Variants in GRM1 observed in about 807,000 individuals in gnomAD.
The protein encoded by GRM1 is metabotropic glutamate receptor 1.
A neutral mutation model predicts 90.9 loss-of-function variants in GRM1; 33 were observed. The ratio of observed to expected loss-of-function variants is 0.36; its 90% CI spans 0.28 to 0.49. The LOEUF (loss-of-function observed/expected upper bound fraction) is 0.49, where lower values mean the gene tolerates loss of function less well. Among genes scored for constraint, GRM1 ranks in the 20% least tolerant of loss-of-function variants. The probability of loss-of-function intolerance (pLI) is 0.99; values close to 1 mark genes in which losing one functional copy is unlikely to be tolerated. For synonymous variants in GRM1, 700 were observed against 613.2 expected (o/e 1.14, Z -2.09); for missense variants, 1,190 against 1,534.3 (o/e 0.78, Z 3.75).
At chr6:146,317,664 A>G (rs1207358305) in intron 3 of GRM1, among the ~76,000 whole-genome samples, 1 of 152,208 alleles carries the variant, frequency 6.6e-6, no homozygotes, top group African/African-American at 2.4e-5. Context: ...TGTTAGTTAA[A>G]ACTCCCTTAT....
chr6:146,053,432 G>A (rs1182982305), intron 1 of GRM1, among the ~76,000 whole-genome samples: 5 of 152,026 alleles, frequency 3.3e-5, no homozygotes, highest in South Asian at 2.1e-4. Context: ...GACAAATGTA[G>A]GTGGGATGAT....
intron 1 of GRM1, among the ~76,000 whole-genome samples, chr6:146,142,994 T>C (rs150582188): frequency 4.6e-5 from 7 of 152,294 alleles, no homozygotes; most frequent in African/African-American, 1.7e-4. Flanking sequence ...CAGCTGGGAA[T>C]GTGCTGGGTC....
At chr6:146,314,296 G>T (rs140838170) in intron 3 of GRM1, among the ~76,000 whole-genome samples, 288 of 150,788 alleles carry the variant, frequency 1.9e-3, no homozygotes, top group African/African-American at 6.7e-3. Flanking sequence ...GGCTGATCTC[G>T]AACTCCTGAC....
chr6:146,055,402 C>T (rs945882359), intron 1 of GRM1, among the ~76,000 whole-genome samples: 1 of 151,912 alleles, frequency 6.6e-6, no homozygotes, highest in Non-Finnish European at 1.5e-5. Context: ...TTTAGGAAAG[C>T]GTGCTCTTAT....
intron 5 of GRM1, among the ~76,000 whole-genome samples, chr6:146,374,927 G>A (rs1390709783): frequency 6.6e-6 from 1 of 151,604 alleles, no homozygotes; most frequent in Non-Finnish European, 1.5e-5. Flanking sequence ...GTTTTCTCTT[G>A]CTTTTTTAGT....
chr6:146,259,576 A>G lies in GRM1; in HGVS notation c.951-45035A>G, dbSNP rs895439602. Among the ~76,000 whole-genome samples, 5 of 152,244 alleles carry G rather than the reference A, an allele frequency of 3.3e-5. No individual in the cohort carries two copies. The East Asian group carries it at 9.7e-4, about 29-fold the overall frequency. ...AATAGTTGTCCTTCTGTGATGGCTT[A>G]TCTCACTTAGTATAATGCCCTCTAT... On this transcript the variant is annotated intron_variant, in intron 2 of 7. Coordinates refer to ENST00000282753, the MANE Select transcript of GRM1 (RefSeq NM_001278064.2).
At chr6:146,264,541 G>A (rs1294167668) in intron 2 of GRM1, among the ~76,000 whole-genome samples, 1 of 150,896 alleles carries the variant, frequency 6.6e-6, no homozygotes, top group Non-Finnish European at 1.5e-5. Context: ...TTTTAGATTC[G>A]GGGGTTACAT....
intron 2 of GRM1, among the ~76,000 whole-genome samples, chr6:146,197,529 T>A (rs1273670018): frequency 6.6e-6 from 1 of 152,246 alleles, no homozygotes; most frequent in Non-Finnish European, 1.5e-5. Context: ...GCATCCAGCA[T>A]GCTGGCCACC....
intron 2 of GRM1, among the ~76,000 whole-genome samples, chr6:146,168,269 T>G (rs886393833): frequency 2.3e-4 from 35 of 152,008 alleles, no homozygotes; most frequent in Admixed American, 4.6e-4. Flanking sequence ...ATTTTATGAA[T>G]AGTTGATCTA....
intron 3 of GRM1, among the ~76,000 whole-genome samples, chr6:146,348,065 A>G (rs976028553): frequency 6.6e-5 from 10 of 152,242 alleles, no homozygotes; most frequent in Non-Finnish European, 4.4e-5. Flanking sequence ...GCATATTACA[A>G]AAAGTAATGG....
At position 146,288,605 on chromosome 6, in the gene GRM1, A is replaced by C. The variant is rs941769692; in HGVS notation, c.951-16006A>C. ...ACTGCAACCTCCGCCTCCTGGGTTC[A>C]AGCGATTCTCCTGCCTCAGCCTCCT... On this transcript the variant is annotated intron_variant, in intron 2 of 7. Transcript: ENST00000282753. 2.6e-5 allele frequency among the ~76,000 whole-genome samples: 4 copies of C among 152,128 alleles called. No individual in the cohort carries two copies. The East Asian group carries it at 7.7e-4, about 29-fold the overall frequency.
At chr6:146,360,484 T>C (rs1458043620) in intron 5 of GRM1, among the ~76,000 whole-genome samples, 2 of 152,094 alleles carry the variant, frequency 1.3e-5, no homozygotes, top group Non-Finnish European at 1.5e-5. Context: ...GGAAATTTAA[T>C]AGAAGAAAAT....
At chr6:146,072,690 A>G (rs1562444911) in intron 1 of GRM1, among the ~76,000 whole-genome samples, 1 of 152,156 alleles carries the variant, frequency 6.6e-6, no homozygotes, top group Non-Finnish European at 1.5e-5. Flanking sequence ...TTTATGCCAG[A>G]TAGAGGAAGG....
intron 6 of GRM1, among the ~76,000 whole-genome samples, chr6:146,388,802 A>G (rs1776603877): frequency 6.6e-6 from 1 of 152,116 alleles, no homozygotes; most frequent in Non-Finnish European, 1.5e-5. Context: ...TCTGGCGCAT[A>G]GCCTGATGCC....
chr6:146,266,764 ACT>A (rs1357162387), intron 2 of GRM1, among the ~76,000 whole-genome samples: 1 of 151,968 alleles, frequency 6.6e-6, no homozygotes, highest in Non-Finnish European at 1.5e-5. Flanking sequence ...CTAGAAAACA[ACT>A]CTGCTAGTAT....
chr6:146,375,771 A>G (rs1381967147), intron 5 of GRM1, among the ~76,000 whole-genome samples: 1 of 151,890 alleles, frequency 6.6e-6, no homozygotes, highest in Non-Finnish European at 1.5e-5. Context: ...TTTCAGTCTA[A>G]CCATGTCTTT....
intron 1 of GRM1, among the ~76,000 whole-genome samples, chr6:146,118,777 T>C (rs1271642829): frequency 6.6e-6 from 1 of 152,224 alleles, no homozygotes; most frequent in Non-Finnish European, 1.5e-5. Flanking sequence ...AACTCATCCT[T>C]TTTTATGGCT....
At chr6:146,347,739 G>A (rs926119725) in intron 3 of GRM1, among the ~76,000 whole-genome samples, 4 of 152,182 alleles carry the variant, frequency 2.6e-5, no homozygotes, top group Admixed American at 2.6e-4. Context: ...GTGTACATAT[G>A]TAAAAAGTTT....
At chr6:146,161,620 G>A (rs933340332) in intron 2 of GRM1, among the ~76,000 whole-genome samples, 12 of 152,082 alleles carry the variant, frequency 7.9e-5, no homozygotes, top group Non-Finnish European at 1.5e-4. Flanking sequence ...GAGCTTCTGA[G>A]GACACTGCTT....
Sources: gnomAD v4.1 joint callset for allele counts (sites outside exome capture counted in the v4.1 genomes callset) on GRCh38, gnomAD v4.1.1 for gene constraint, MANE v1.5 for transcripts, NCBI Gene and HGNC (gene_info 2026-07-23, HGNC 2026-07-21) for gene names.